The following CELF2 variants were observed in gnomAD, a reference collection of about 807,000 sequenced individuals.
The protein encoded by CELF2 is CUG triplet repeat RNA-binding protein 2.
CELF2 carries 8 observed loss-of-function variants against 62.6 expected under a neutral mutation model. The ratio of observed to expected loss-of-function variants is 0.13; its 90% CI spans 0.07 to 0.23. The LOEUF is 0.23. Among genes scored for constraint, CELF2 ranks in the 10% least tolerant of loss-of-function variants. CELF2 has a pLI of 1.00. For missense variants in CELF2, 333 were observed against 671.0 expected (o/e 0.50, Z 5.56); for synonymous variants, 258 against 250.0 (o/e 1.03, Z -0.30).
At chr10:10,778,106 C>T in the CELF2 span, among the ~76,000 whole-genome samples, 1 of 152,116 alleles carries the variant, frequency 6.6e-6, no homozygotes, top group South Asian at 2.1e-4. Context: ...AGTCCAGTGT[C>T]GTGACAACAA....
chr10:11,197,036 A>AGAAGGAAAGAAG (rs1434744236), intron 2 of CELF2, among the ~76,000 whole-genome samples: 1 of 24,484 alleles, frequency 4.1e-5, no homozygotes, highest in African/African-American at 3.3e-4. Context: ...AAAGAAAGAA[A>AGAAGGAAAGAAG]GAAAGAAAGA....
At chr10:10,472,868 G>A in the CELF2 span, among the ~76,000 whole-genome samples, 1 of 151,828 alleles carries the variant, frequency 6.6e-6, no homozygotes, top group Non-Finnish European at 1.5e-5. Context: ...ATGTAATTTG[G>A]CAACTTAGAA....
At chr10:10,591,373 C>T in the CELF2 span, among the ~76,000 whole-genome samples, 10 of 152,022 alleles carry the variant, frequency 6.6e-5, no homozygotes, top group Admixed American at 6.6e-4. Flanking sequence ...TGGGTATATG[C>T]TTTCAGTACA....
intron 3 of CELF2, among the ~76,000 whole-genome samples, chr10:11,222,731 G>A (rs2065244768): frequency 1.3e-5 from 2 of 152,220 alleles, no homozygotes; most frequent in South Asian, 4.2e-4. Flanking sequence ...GTGAATGCCC[G>A]AATAAGTTAG....
At chr10:11,000,400 A>C (rs2054399470), upstream of CELF2, among the ~76,000 whole-genome samples, 1 of 152,124 alleles carries the variant, frequency 6.6e-6, no homozygotes, top group Non-Finnish European at 1.5e-5. Flanking sequence ...TGGAGTTCCA[A>C]GTACTTTATG....
chr10:10,970,255 C>T (rs536444669), intron 2 of CELF2, among the ~76,000 whole-genome samples: 35 of 151,966 alleles, frequency 2.3e-4, no homozygotes, highest in South Asian at 2.3e-3. Flanking sequence ...TTAAGAGATA[C>T]GGGGTTTCAC....
chr10:10,529,955 G>T, the CELF2 span, among the ~76,000 whole-genome samples: 39 of 152,274 alleles, frequency 2.6e-4, no homozygotes, highest in Admixed American at 1.2e-3. Flanking sequence ...AAGGCTTGTA[G>T]AAGCTGAACA....
chr10:11,219,707 A>C (rs759384418), intron 3 of CELF2, among the ~76,000 whole-genome samples: 4 of 152,246 alleles, frequency 2.6e-5, no homozygotes, highest in Non-Finnish European at 5.9e-5. Flanking sequence ...AAAAACATGA[A>C]AGTGTTTTCC....
intron 4 of CELF2, among the ~76,000 whole-genome samples, chr10:11,252,865 T>G (rs1453393576): frequency 6.6e-6 from 1 of 152,144 alleles, no homozygotes; most frequent in Admixed American, 6.5e-5. Context: ...AGAATCCGCC[T>G]TTTTTGTTAT....
the CELF2 span, among the ~76,000 whole-genome samples, chr10:10,768,725 C>T: frequency 0.13 from 20,470 of 151,916 alleles, 1,755 homozygotes; most frequent in East Asian, 0.31. Flanking sequence ...AGGTACCCAA[C>T]ACCACCCCTG....
upstream of CELF2, among the ~76,000 whole-genome samples, chr10:11,017,665 G>A (rs1169208317): frequency 6.6e-6 from 1 of 152,144 alleles, no homozygotes; most frequent in Non-Finnish European, 1.5e-5. The surrounding 1 kb of genome is among the most constrained non-coding windows in gnomAD (Gnocchi z 5.5). Flanking sequence ...CCTCTTGCCA[G>A]GGACCCCCGG....
At chr10:11,250,597 T>C (rs36011364) in intron 4 of CELF2, among the ~76,000 whole-genome samples, 6,529 of 152,270 alleles carry the variant, frequency 0.043, 207 homozygotes, top group Non-Finnish European at 0.066. Flanking sequence ...GAGCTGGGGC[T>C]GCAGCACTGA....
intron 1 of CELF2, chr10:11,092,480 A>G (rs1029123274): frequency 6.6e-6 from 1 of 152,230 alleles, no homozygotes; most frequent in Admixed American, 6.5e-5. Context: ...AAAAGCAGAT[A>G]GATTTATTTA....
the CELF2 span, among the ~76,000 whole-genome samples, chr10:10,701,938 C>A: frequency 2.6e-5 from 4 of 152,118 alleles, no homozygotes; most frequent in Non-Finnish European, 5.9e-5. Context: ...ACTTCTCCTG[C>A]GAAAAGTGCT....
intron 1 of CELF2, among the ~76,000 whole-genome samples, chr10:11,143,421 G>A (rs186286844): frequency 3.9e-5 from 6 of 152,196 alleles, no homozygotes; most frequent in East Asian, 1.9e-4. Flanking sequence ...GCTTAAGATC[G>A]CCATATGTGT....
At chr10:11,111,465 T>C (rs2055146501) in intron 1 of CELF2, among the ~76,000 whole-genome samples, 1 of 152,228 alleles carries the variant, frequency 6.6e-6, no homozygotes, top group African/African-American at 2.4e-5. Flanking sequence ...ATGTGTCTCA[T>C]AGACTGAGAA....
At position 10,934,098 on chromosome 10, in the gene CELF2, C is replaced by T. The variant is rs2066380493; in HGVS notation, c.89+14099C>T. Among the ~76,000 whole-genome samples the T allele has an allele frequency of 2.0e-5, 3 of 152,096 alleles. No individual in the cohort carries two copies. The highest frequency in any genetic ancestry group is 2.1e-4 in the South Asian group (1 of 4,818). On this transcript the variant is annotated intron_variant, in intron 2 of 13. Transcript: ENST00000636488. This position sits in a 1 kb window ranked among gnomAD's most constrained non-coding sequence, Gnocchi z 4.4. Reference sequence around the variant, plus strand: ...GTTCCCTTTCTCCAATCAGTGCCAGCGTTTCTTATTTTGCGTCTTTTTTGT... The same window carrying T: ...GTTCCCTTTCTCCAATCAGTGCCAGTGTTTCTTATTTTGCGTCTTTTTTGT...
chr10:11,107,528 A>G (rs2053839724), intron 1 of CELF2, among the ~76,000 whole-genome samples: 1 of 152,018 alleles, frequency 6.6e-6, no homozygotes, highest in Non-Finnish European at 1.5e-5. Flanking sequence ...TTGAATTCAC[A>G]CTTACTGCAG....
intron 2 of CELF2, among the ~76,000 whole-genome samples, chr10:10,949,688 C>A (rs2048093325): frequency 6.6e-6 from 1 of 151,786 alleles, no homozygotes; most frequent in Non-Finnish European, 1.5e-5. Context: ...GCAGTCCCAG[C>A]TACTAGGGAA....
Sources: gnomAD v4.1 joint callset for allele counts (sites outside exome capture counted in the v4.1 genomes callset) on GRCh38, gnomAD v4.1.1 for gene constraint, Gnocchi (gnomAD v3.1) non-coding constraint, MANE v1.5 for transcripts, NCBI Gene and HGNC (gene_info 2026-07-23, HGNC 2026-07-21) for gene names.